Variants in RPGRIP1 observed in about 807,000 individuals in gnomAD.
RPGRIP1 encodes the protein RPGR interacting protein 1, also known as X-linked retinitis pigmentosa GTPase regulator-interacting protein 1.
A neutral mutation model predicts 157.9 loss-of-function variants in RPGRIP1; 128 were observed. The observed-to-expected ratio is 0.81, with a 90% CI of 0.70 to 0.94. RPGRIP1 has a LOEUF of 0.94. Among genes scored for constraint, RPGRIP1 ranks in the 40% least tolerant of loss-of-function variants. RPGRIP1 has a pLI of 0.00. For synonymous variants in RPGRIP1, 554 were observed against 571.6 expected, an observed-to-expected ratio of 0.97 and a Z score of 0.44; for missense variants, 1,486 against 1,545.8, an observed-to-expected ratio of 0.96 and a Z score of 0.65.
Position 21,321,326 on chromosome 14 carries a change from A to G in RPGRIP1, c.1535A>G (p.His512Arg). The change falls in exon 13 of 25, where the codon CAC becomes CGC. Residue 512 changes from histidine (H) to arginine (R), a missense_variant. By Grantham distance (29) the His-to-Arg change is conservative. Transcript: ENST00000400017. Reference sequence around the variant, plus strand: ...GTGCTAAATGAGTTGCAAGTATCACACGCAGAGACCACATTGGAACTAGAA... The same window carrying G: ...GTGCTAAATGAGTTGCAAGTATCACGCGCAGAGACCACATTGGAACTAGAA... ...SQVLNELQVS[H>R]AETTLELEKT... 1 of 1,614,026 alleles carries G rather than the reference A, an allele frequency of 6.2e-7. No homozygotes were observed. Among genetic ancestry groups the G allele is most frequent in the Non-Finnish European group, 8.5e-7 (1 of 1,179,878 alleles).
At chr14:21,339,987 A>C (rs1436459410) in intron 21 of RPGRIP1, among the ~76,000 whole-genome samples, 2 of 152,160 alleles carry the variant, frequency 1.3e-5, no homozygotes, top group African/African-American at 4.8e-5. Context: ...CAATGCGAGG[A>C]GTTGAACTAG....
chr14:21,287,990 T>C lies in RPGRIP1; in HGVS notation c.14T>C (p.Val5Ala). 6.2e-7 allele frequency: 1 copy of C among 1,612,580 alleles called. No individual in the cohort carries two copies. The highest frequency in any genetic ancestry group is 8.5e-7 in the Non-Finnish European group (1 of 1,178,722). Residue 5 changes from valine to alanine, a missense_variant, in exon 2 of 25, where the codon GTG (valine) becomes GCG (alanine). By Grantham distance (64) the Val-to-Ala change is moderately conservative (BLOSUM62 0). Transcript: ENST00000400017. ...GGAACAGAGATCATGTCACATCTGG[T>C]GGACCCTACATCAGGAGACTTGCCA... Reference protein sequence around the residue: MSHLVDPTSGDLPVR... With the variant: MSHLADPTSGDLPVR...
intron 5 of RPGRIP1, chr14:21,303,115 G>A (rs1030474627): frequency 4.0e-5 from 18 of 449,862 alleles, no homozygotes; most frequent in Middle Eastern, 6.4e-4. Context: ...TGATCTGCTC[G>A]CCTTGGCCTC....
At chr14:21,304,053 C>T (rs1454369892) in intron 6 of RPGRIP1, among the ~76,000 whole-genome samples, 1 of 151,414 alleles carries the variant, frequency 6.6e-6, no homozygotes, top group Non-Finnish European at 1.5e-5. Flanking sequence ...TGGCTCACGC[C>T]TGTAATCCCA....
chr14:21,330,123 A>C (rs1883576978), intron 19 of RPGRIP1, 126 bp from the exon 20 acceptor site: 5 of 526,712 alleles, frequency 9.5e-6, no homozygotes, highest in Admixed American at 4.6e-5. Context: ...GTCTCAAAAA[A>C]ATAATAATAA....
rs1265355515 is a variant in RPGRIP1 at position 21,351,154 on chromosome 14, C to G, written c.3799C>G (p.Leu1267Val). ...CCCAATAGGAAGGCTGAAGGTTTCC[C>G]TTCAAGCAGCTGCTGTCCTCCATGC... ...ATPIGRLKVSLQAAAVLHAIY... is the reference protein window; with the variant it reads ...ATPIGRLKVSVQAAAVLHAIY... Residue 1267 changes from leucine (L) to valine (V), a missense_variant, in exon 25 of 25, where the codon CTT (leucine) becomes GTT (valine). Coordinates refer to ENST00000400017, the MANE Select transcript of RPGRIP1 (RefSeq NM_020366.4). 1 of 1,612,918 alleles carries G rather than the reference C, an allele frequency of 6.2e-7. No individual in the cohort carries two copies. Among genetic ancestry groups the G allele is most frequent in the South Asian group, 1.1e-5 (1 of 90,734 alleles).
chr14:21,314,712 T>G (rs1162736830), intron 10 of RPGRIP1, among the ~76,000 whole-genome samples: 1 of 101,722 alleles, frequency 9.8e-6, no homozygotes, highest in African/African-American at 4.1e-5. Context: ...AAACTCTGTC[T>G]CGAAAAAAAA....
chr14:21,339,141 A>ATTGTT (rs773977103), intron 21 of RPGRIP1, among the ~76,000 whole-genome samples: 1 of 150,264 alleles, frequency 6.7e-6, no homozygotes, highest in African/African-American at 2.5e-5. Context: ...ATCTCAAAAA[A>ATTGTT]TTGTTTTGTT....
intron 3 of RPGRIP1, among the ~76,000 whole-genome samples, chr14:21,299,092 C>T (rs1188275750): frequency 5.3e-5 from 8 of 151,590 alleles, no homozygotes; most frequent in Admixed American, 1.3e-4. Flanking sequence ...CTCGGCTCAC[C>T]GCAACCTCCG....
At chr14:21,337,912 C>T (rs977639603) in intron 21 of RPGRIP1, among the ~76,000 whole-genome samples, 5 of 151,308 alleles carry the variant, frequency 3.3e-5, no homozygotes, top group African/African-American at 4.9e-5. Flanking sequence ...CACGCTGTCA[C>T]GTCCAGCTAA....
intron 4 of RPGRIP1, among the ~76,000 whole-genome samples, chr14:21,301,768 C>T (rs1313799139): frequency 6.6e-6 from 1 of 150,996 alleles, no homozygotes; most frequent in Admixed American, 6.6e-5. Flanking sequence ...GTCCCACCTA[C>T]TTGGGAAGCT....
Position 21,300,992 on chromosome 14 carries a change from C to T in RPGRIP1, c.245C>T (p.Thr82Ile), listed in dbSNP as rs371371555. 6 of 1,612,860 alleles carry T rather than the reference C, an allele frequency of 3.7e-6. No individual in the cohort carries two copies. The highest frequency in any genetic ancestry group is 1.3e-5 in the African/African-American group (1 of 75,022). Residue 82 changes from threonine to isoleucine, a missense_variant, in exon 4 of 25, where the codon ACC (threonine) becomes ATC (isoleucine). Coordinates refer to ENST00000400017, the MANE Select transcript of RPGRIP1 (RefSeq NM_020366.4). ...KRLRTTLLRLTAAGRDLRVAE... is the reference protein window; with the variant it reads ...KRLRTTLLRLIAAGRDLRVAE... ...CTGAGGACCACCTTGCTGCGGTTGA[C>T]CGCTGCTGGCCGGGACCTGCGGGTC...
chr14:21,348,249 A>G lies in RPGRIP1; in HGVS notation c.3695A>G (p.Gln1232Arg). Residue 1232 changes from glutamine (Q) to arginine (R), a missense_variant, in exon 24 of 25, where the codon CAA becomes CGA. Transcript: ENST00000400017. ...GAAGAAGTGGGATATGCATATCTTC[A>G]ACTGTGGCAGATCCTGGAGTCAGGA... ...ECEEVGYAYL[Q>R]LWQILESGRD... The G allele has an allele frequency of 6.3e-7, 1 of 1,593,154 alleles. No individual in the cohort carries two copies. Among genetic ancestry groups the G allele is most frequent in the Admixed American group, 1.8e-5 (1 of 56,838 alleles).
In RPGRIP1 at chr14:21,311,545, CAATA is replaced by C. The variant is rs35635981; in HGVS notation, c.931-258_931-255del. Among the ~76,000 whole-genome samples the C allele has an allele frequency of 0.54, 80,849 of 150,466 alleles. 21,721 individuals are homozygous for C. Among genetic ancestry groups the C allele is most frequent in the South Asian group, 0.61 (2,894 of 4,730 alleles). On this transcript the variant is annotated intron_variant, in intron 8 of 24. Coordinates refer to ENST00000400017, the MANE Select transcript of RPGRIP1 (RefSeq NM_020366.4). ...CCTGGGCAACAGAGCGAGACTGTCT[CAATA>C]AATAAATAAATAAATAAATACAAGA...
At chr14:21,331,195 C>T (rs981338607) in intron 20 of RPGRIP1, among the ~76,000 whole-genome samples, 2 of 151,446 alleles carry the variant, frequency 1.3e-5, no homozygotes, top group East Asian at 4.0e-4. Context: ...AGGCGTGAGC[C>T]ACTGCACCCG....
At position 21,301,159 on chromosome 14, in the gene RPGRIP1, C is replaced by A. The variant is rs761513451; in HGVS notation, c.412C>A (p.Arg138Ser). Residue 138 changes from arginine to serine, a missense_variant, in exon 4 of 25, where the codon CGC becomes AGC. Arg to Ser is a moderately radical substitution (Grantham distance 110). Transcript: ENST00000400017. ...FHCVGPASPR[R>S]AQPRVQVGHR... ...CTGCGTCGGCCCTGCCAGCCCCCGC[C>A]GCGCCCAGCCTCGCGTCCAAGTGGG... 3 of 1,594,642 alleles carry A rather than the reference C, an allele frequency of 1.9e-6. No individual in the cohort carries two copies. The South Asian group carries it at 3.4e-5, about 18-fold the overall frequency.
intron 4 of RPGRIP1, 89 bp downstream of exon 4, chr14:21,301,326 C>T (rs1467989863): frequency 7.4e-7 from 1 of 1,351,838 alleles, no homozygotes; most frequent in Non-Finnish European, 1.0e-6. Flanking sequence ...CTTCTTCTGC[C>T]CACCACCCCA....
intron 6 of RPGRIP1, among the ~76,000 whole-genome samples, chr14:21,304,300 A>T (rs978146240): frequency 7.5e-5 from 11 of 146,874 alleles, no homozygotes; most frequent in African/African-American, 2.3e-4. Flanking sequence ...GGGCAACAAG[A>T]GCAAAACTCT....
At chr14:21,312,365 G>A in intron 9 of RPGRIP1, 68 bp from the exon 10 acceptor site, 2 of 1,127,670 alleles carry the variant, frequency 1.8e-6, no homozygotes, top group South Asian at 3.0e-5. Context: ...CCCTGCCATG[G>A]ACAGGGGAAA....
Sources: gnomAD v4.1 joint callset for allele counts (sites outside exome capture counted in the v4.1 genomes callset) on GRCh38, gnomAD v4.1.1 for gene constraint, MANE v1.5 for transcripts, NCBI Gene and HGNC (gene_info 2026-07-23, HGNC 2026-07-21) for gene names.